Variants in NXN observed in about 807,000 individuals in gnomAD.
NXN encodes the protein nucleoredoxin, also known as nucleoredoxin 1.
Under a neutral mutation model 48.6 loss-of-function variants are expected in NXN, and 16 were observed. The observed-to-expected ratio is 0.33, with a 90% CI of 0.22 to 0.50. The LOEUF (loss-of-function observed/expected upper bound fraction) is 0.50. NXN is among the 20% of genes least tolerant of loss of function. The pLI is 0.98. For synonymous variants in NXN, 281 were observed against 269.6 expected (o/e 1.04, Z -0.41); for missense variants, 492 against 605.5 (o/e 0.81, Z 1.97).
At chr17:926,878 T>C (rs2068805593) in intron 1 of NXN, among the ~76,000 whole-genome samples, 2 of 152,274 alleles carry the variant, frequency 1.3e-5, no homozygotes, top group South Asian at 4.1e-4. Context: ...AACAAGGCTC[T>C]GGGTAATGAA....
chr17:923,440 T>C (rs72812042), intron 1 of NXN, among the ~76,000 whole-genome samples: 4,630 of 152,290 alleles, frequency 0.03, 114 homozygotes, highest in Non-Finnish European at 0.046. Flanking sequence ...GGAGGATTGC[T>C]TGAGCAAGTC....
intron 1 of NXN, among the ~76,000 whole-genome samples, chr17:832,353 AT>A (rs577293334): frequency 0.024 from 3,461 of 143,296 alleles, 146 homozygotes; most frequent in African/African-American, 0.079. Context: ...ACTATTTTGT[AT>A]TTTTTTTTTT....
Position 956,036 on chromosome 17 carries a change from C to G in NXN, c.360+23283G>C, listed in dbSNP as rs2069165750. 2.0e-5 allele frequency among the ~76,000 whole-genome samples: 3 copies of G among 152,060 alleles called. No homozygotes were observed. Among genetic ancestry groups the G allele is most frequent in the Non-Finnish European group, 2.9e-5 (2 of 68,020 alleles). ...CCCTGCCTGTCAAAGAAGACTGTGG[C>G]CACATAATCCCCCTGTCCTTTCCAG... On this transcript the variant is annotated intron_variant, in intron 1 of 7. Transcript: ENST00000336868. This position sits in a 1 kb window ranked among gnomAD's most constrained non-coding sequence, Gnocchi z 4.1.
intron 1 of NXN, among the ~76,000 whole-genome samples, chr17:928,274 T>C (rs2068821222): frequency 6.6e-6 from 1 of 152,110 alleles, no homozygotes; most frequent in Non-Finnish European, 1.5e-5. Context: ...TCACATCTCA[T>C]TCCAAAGAGT....
At chr17:928,564 G>A (rs151310449) in intron 1 of NXN, among the ~76,000 whole-genome samples, 7 of 152,268 alleles carry the variant, frequency 4.6e-5, no homozygotes, top group African/African-American at 1.4e-4. Context: ...GGTTGGGCGC[G>A]GTGGCTCACG....
intron 1 of NXN, among the ~76,000 whole-genome samples, chr17:869,432 CAGGGTTAGGAACCTACACAGATTA>C (rs1276835208): frequency 6.6e-6 from 1 of 152,152 alleles, no homozygotes; most frequent in Non-Finnish European, 1.5e-5. Flanking sequence ...CTCCGACCAA[CAGGGTTAGGAACCTACACAGATTA>C]CGAGGTGGAA....
intron 1 of NXN, among the ~76,000 whole-genome samples, chr17:883,037 A>AG (rs896845682): frequency 2.6e-5 from 4 of 152,152 alleles, no homozygotes; most frequent in African/African-American, 9.7e-5. Context: ...TACAGGCGTG[A>AG]GCCCCCGTCT....
At chr17:973,552 T>C (rs771308235) in intron 1 of NXN, among the ~76,000 whole-genome samples, 10 of 152,226 alleles carry the variant, frequency 6.6e-5, no homozygotes, top group African/African-American at 2.2e-4. Context: ...TGGAGCGTCA[T>C]TGGCAGATAG....
At chr17:963,795 G>A (rs752884244) in intron 1 of NXN, among the ~76,000 whole-genome samples, 1 of 152,132 alleles carries the variant, frequency 6.6e-6, no homozygotes, top group Non-Finnish European at 1.5e-5. Flanking sequence ...ATAAAATGCT[G>A]GGCCGGGCGC....
In NXN at chr17:979,351, G is replaced by C; in HGVS notation, c.328C>G (p.Leu110Val). 6.5e-7 allele frequency: 1 copy of C among 1,543,764 alleles called. No homozygotes were observed. The highest frequency in any genetic ancestry group is 2.7e-5 in the East Asian group (1 of 37,590). Residue 110 changes from leucine (L) to valine (V), a missense_variant, in exon 1 of 8, where the codon CTG (leucine) becomes GTG (valine). Leu to Val is a conservative substitution (Grantham distance 32, BLOSUM62 1). Transcript: ENST00000336868. ...WQDFVRDMPW[L>V]ALPYKEKHRK... ...TGCTTCTCCTTGTAGGGCAGCGCCAGCCACGGCATGTCCCGCACGAAGTCC... is the reference window on the plus strand; with the variant it reads ...TGCTTCTCCTTGTAGGGCAGCGCCACCCACGGCATGTCCCGCACGAAGTCC...
At chr17:885,264 C>G (rs1048705775) in intron 1 of NXN, among the ~76,000 whole-genome samples, 4 of 152,060 alleles carry the variant, frequency 2.6e-5, no homozygotes, top group African/African-American at 9.7e-5. Flanking sequence ...AGGTTGAGAC[C>G]AGCCTGGCCA....
At chr17:947,588 C>T (rs1269999560) in intron 1 of NXN, among the ~76,000 whole-genome samples, 2 of 151,902 alleles carry the variant, frequency 1.3e-5, no homozygotes, top group Admixed American at 6.6e-5. Context: ...CAAAAATTAG[C>T]CGGGAGTGGT....
rs1428736657 is a variant in NXN, at chr17:958,516, T to C, written c.360+20803A>G. ...AATCTTAAAAATTAGCTCACTCCTATCATCCCAGCACTTTGGGAGGCCGAA... is the reference window on the plus strand; with the variant it reads ...AATCTTAAAAATTAGCTCACTCCTACCATCCCAGCACTTTGGGAGGCCGAA... On this transcript the variant is annotated intron_variant, in intron 1 of 7. Coordinates refer to ENST00000336868, the MANE Select transcript of NXN (RefSeq NM_022463.5). The surrounding 1 kb of genome is among the most constrained non-coding windows in gnomAD (Gnocchi z 6.9). 6.6e-6 allele frequency among the ~76,000 whole-genome samples: 1 copy of C among 152,008 alleles called. No individual in the cohort carries two copies. Among genetic ancestry groups the C allele is most frequent in the Non-Finnish European group, 1.5e-5 (1 of 68,016 alleles).
chr17:842,879 C>T (rs923485227), intron 1 of NXN, among the ~76,000 whole-genome samples: 5 of 151,710 alleles, frequency 3.3e-5, no homozygotes, highest in African/African-American at 7.3e-5. Flanking sequence ...GCGGAGGTTG[C>T]GGTAAGCCGA....
intron 1 of NXN, among the ~76,000 whole-genome samples, chr17:963,391 C>T (rs745745667): frequency 1.8e-4 from 27 of 151,606 alleles, no homozygotes; most frequent in Non-Finnish European, 3.5e-4. Flanking sequence ...TCGCTTGAGG[C>T]CAGGAGTTCG....
Position 973,978 on chromosome 17 carries a change from C to T in NXN, c.360+5341G>A, listed in dbSNP as rs766280626. 6.1e-4 allele frequency among the ~76,000 whole-genome samples: 92 copies of T among 151,906 alleles called. 1 individual carries two copies. The highest frequency in any genetic ancestry group is 1.3e-3 in the Non-Finnish European group (91 of 67,974). On this transcript the variant is annotated intron_variant, in intron 1 of 7. Coordinates refer to ENST00000336868, the MANE Select transcript of NXN (RefSeq NM_022463.5). ...ACAGGCGTGAGCCACAGTGCCCGGCCATTGTAGGGCAATTTTTTTGACACC... is the reference window on the plus strand; with the variant it reads ...ACAGGCGTGAGCCACAGTGCCCGGCTATTGTAGGGCAATTTTTTTGACACC...
At chr17:861,908 C>T (rs2068044890) in intron 1 of NXN, among the ~76,000 whole-genome samples, 1 of 152,010 alleles carries the variant, frequency 6.6e-6, no homozygotes, top group Non-Finnish European at 1.5e-5. Context: ...CAGCTCACTG[C>T]AACCTCTGTC....
chr17:910,719 G>C (rs564688050), intron 1 of NXN: 1 of 152,278 alleles, frequency 6.6e-6, no homozygotes, highest in South Asian at 2.1e-4. Flanking sequence ...GTACTCCTTG[G>C]AATGGTCAAC....
intron 1 of NXN, among the ~76,000 whole-genome samples, chr17:928,854 TAA>T (rs35793842): frequency 6.6e-6 from 1 of 151,856 alleles, no homozygotes; most frequent in South Asian, 2.1e-4. Context: ...ATTAAGGAAA[TAA>T]AAGATACTGG....
Sources: gnomAD v4.1 joint callset for allele counts (sites outside exome capture counted in the v4.1 genomes callset) on GRCh38, gnomAD v4.1.1 for gene constraint, Gnocchi (gnomAD v3.1) non-coding constraint, MANE v1.5 for transcripts, NCBI Gene and HGNC (gene_info 2026-07-23, HGNC 2026-07-21) for gene names.